Variants in MDGA2 observed in about 807,000 individuals in gnomAD.
MDGA2 encodes MAM domain-containing glycosylphosphatidylinositol anchor protein 2.
A neutral mutation model predicts 117.8 loss-of-function variants in MDGA2; 40 were observed. The ratio of observed to expected loss-of-function variants is 0.34; its 90% CI spans 0.26 to 0.44. The LOEUF (loss-of-function observed/expected upper bound fraction) is 0.44, where lower values mean the gene tolerates loss of function less well. Among genes scored for constraint, MDGA2 ranks in the 20% least tolerant of loss-of-function variants. The pLI is 1.00. For synonymous variants in MDGA2, 452 were observed against 439.0 expected, an observed-to-expected ratio of 1.03 and a Z score of -0.37; for missense variants, 1,123 against 1,250.6, an observed-to-expected ratio of 0.90 and a Z score of 1.54.
chr14:47,503,865 A>G (rs543756429), intron 1 of MDGA2, among the ~76,000 whole-genome samples: 8 of 152,216 alleles, frequency 5.3e-5, no homozygotes, highest in Non-Finnish European at 1.2e-4. Flanking sequence ...TTCACTATGT[A>G]TCTGTGACAT....
chr14:47,493,280 G>T (rs954091774), intron 1 of MDGA2, among the ~76,000 whole-genome samples: 65 of 148,566 alleles, frequency 4.4e-4, no homozygotes, highest in Admixed American at 1.6e-3. Context: ...ACAAAATCAT[G>T]TAAAATATAT....
chr14:47,172,384 C>G (rs1200451489), intron 3 of MDGA2, among the ~76,000 whole-genome samples: 11 of 152,072 alleles, frequency 7.2e-5, no homozygotes, highest in Admixed American at 6.6e-4. Flanking sequence ...AGAAGCCTAA[C>G]TGGGAGGCAC....
chr14:47,046,870 A>G (rs1476605047), intron 7 of MDGA2, among the ~76,000 whole-genome samples: 1 of 152,064 alleles, frequency 6.6e-6, no homozygotes, highest in East Asian at 1.9e-4. Context: ...GCCATGATTT[A>G]TCCAAATACA....
At chr14:47,137,851 C>G (rs1027305097) in intron 4 of MDGA2, among the ~76,000 whole-genome samples, 1 of 152,052 alleles carries the variant, frequency 6.6e-6, no homozygotes, top group African/African-American at 2.4e-5. Flanking sequence ...AAAATGATTT[C>G]CTGCAGTCAG....
intron 5 of MDGA2, among the ~76,000 whole-genome samples, chr14:47,104,002 T>A (rs1880491311): frequency 6.6e-6 from 1 of 152,180 alleles, no homozygotes; most frequent in South Asian, 2.1e-4. Flanking sequence ...AACAGCACAC[T>A]CTGCATGACT....
intron 2 of MDGA2, among the ~76,000 whole-genome samples, chr14:47,296,477 AAG>A (rs1456018139): frequency 6.6e-6 from 1 of 152,228 alleles, no homozygotes; most frequent in Admixed American, 6.5e-5. Flanking sequence ...CTAGTAAGAA[AAG>A]AGAAGATAAA....
intron 8 of MDGA2, among the ~76,000 whole-genome samples, chr14:46,975,584 C>T (rs1886424703): frequency 6.6e-6 from 1 of 152,044 alleles, no homozygotes; most frequent in Non-Finnish European, 1.5e-5. Context: ...GTGACATAAA[C>T]TAGTAACAAA....
intron 8 of MDGA2, among the ~76,000 whole-genome samples, chr14:46,989,075 C>CA (rs1886978905): frequency 6.6e-6 from 1 of 151,794 alleles, no homozygotes; most frequent in South Asian, 2.1e-4. Context: ...TTTACATGAA[C>CA]AAAAAATTAC....
intron 1 of MDGA2, among the ~76,000 whole-genome samples, chr14:47,456,434 A>G (rs1893355452): frequency 6.6e-6 from 1 of 151,396 alleles, no homozygotes; most frequent in Admixed American, 6.6e-5. Context: ...CTGGGATTAC[A>G]GGCATGCACC....
At chr14:46,848,872 G>A (rs1880947361) in intron 15 of MDGA2, among the ~76,000 whole-genome samples, 4 of 152,078 alleles carry the variant, frequency 2.6e-5, no homozygotes, top group Admixed American at 1.3e-4. Flanking sequence ...AAAGCGTCAC[G>A]TGTCCAGAGG....
rs979160900 is a variant in MDGA2, at chr14:47,675,200, G to C, written c.-404C>G. 6.6e-6 allele frequency among the ~76,000 whole-genome samples: 1 copy of C among 152,182 alleles called. No homozygotes were observed. Among genetic ancestry groups the C allele is most frequent in the Non-Finnish European group, 1.5e-5 (1 of 67,992 alleles). ...GTCAAGCGGCGACAGCGGCCCGCCC[G>C]CCCGCAGTCCGAAGCCCCCAGCCCT... On this transcript the variant is annotated 5_prime_UTR_variant, in exon 1 of 17. Coordinates refer to ENST00000399232, the MANE Select transcript of MDGA2 (RefSeq NM_001113498.3).
intron 1 of MDGA2, among the ~76,000 whole-genome samples, chr14:47,498,805 A>G (rs10142526): frequency 0.75 from 114,558 of 152,016 alleles, 43,612 homozygotes; most frequent in East Asian, 1. Flanking sequence ...AGTACTAATG[A>G]GAAGGATTTT....
At chr14:46,998,003 T>G (rs1198188719) in intron 8 of MDGA2, among the ~76,000 whole-genome samples, 2 of 152,078 alleles carry the variant, frequency 1.3e-5, no homozygotes, top group African/African-American at 4.8e-5. Flanking sequence ...TGAATAATCC[T>G]TATTGAATAT....
intron 1 of MDGA2, among the ~76,000 whole-genome samples, chr14:47,546,404 T>C (rs1895463922): frequency 6.6e-6 from 1 of 152,162 alleles, no homozygotes; most frequent in African/African-American, 2.4e-5. Flanking sequence ...ACTAATAATG[T>C]GGACTAATTT....
intron 1 of MDGA2, among the ~76,000 whole-genome samples, chr14:47,540,459 T>A (rs1334255957): frequency 1.3e-5 from 2 of 150,912 alleles, no homozygotes; most frequent in Non-Finnish European, 3.0e-5. Flanking sequence ...ACACACTCCG[T>A]CCCTCCCCTA....
At chr14:47,618,184 AAT>A (rs1896982052) in intron 1 of MDGA2, among the ~76,000 whole-genome samples, 1 of 152,224 alleles carries the variant, frequency 6.6e-6, no homozygotes, top group African/African-American at 2.4e-5. Context: ...TGCTGCTTCT[AAT>A]CAAGCAAAAT....
chr14:47,423,340 T>A (rs993319345), intron 1 of MDGA2, among the ~76,000 whole-genome samples: 1 of 152,196 alleles, frequency 6.6e-6, no homozygotes. Context: ...CTATACCCAA[T>A]ACTTATTAGT....
At chr14:46,956,851 C>T (rs1280606804) in intron 9 of MDGA2, among the ~76,000 whole-genome samples, 1 of 152,084 alleles carries the variant, frequency 6.6e-6, no homozygotes, top group East Asian at 1.9e-4. Context: ...TTCCCCCTTG[C>T]TGTTCTCGTG....
At chr14:46,943,080 T>C (rs1265093665) in intron 9 of MDGA2, among the ~76,000 whole-genome samples, 2 of 152,100 alleles carry the variant, frequency 1.3e-5, no homozygotes, top group Non-Finnish European at 2.9e-5. Context: ...TTAATAGATG[T>C]TCACATAATT....
Sources: allele counts gnomAD v4.1 joint callset (sites outside exome capture counted in the v4.1 genomes callset), GRCh38; gene constraint gnomAD v4.1.1; transcripts MANE v1.5; gene names NCBI Gene and HGNC (gene_info 2026-07-23, HGNC 2026-07-21).